ELP4: variants seen among roughly 807,000 people sequenced by gnomAD.
The protein encoded by ELP4 is elongator acetyltransferase complex subunit 4, also known as elongator complex protein 4.
In ELP4, 51 loss-of-function variants were observed where a neutral mutation model predicts 48.9. The ratio of observed to expected loss-of-function variants is 1.04; its 90% CI spans 0.83 to 1.32. The LOEUF (loss-of-function observed/expected upper bound fraction) is 1.32. Ranked by LOEUF, ELP4 falls within the 40% of genes most tolerant of loss-of-function variation. The probability of loss-of-function intolerance (pLI) is 0.00; values close to 1 mark genes in which losing one functional copy is unlikely to be tolerated. For missense variants in ELP4, 519 were observed against 514.6 expected (o/e 1.01, Z -0.08); for synonymous variants, 210 against 189.2 (o/e 1.11, Z -0.90).
rs528928775 is a variant in ELP4 at position 31,598,452 on chromosome 11, A to G, written c.513+3551A>G. Among the ~76,000 whole-genome samples the G allele has an allele frequency of 1.6e-4, 24 of 147,788 alleles. 1 individual carries two copies. In the South Asian group the frequency reaches 2.2e-3, roughly 13 times the overall value. On this transcript the variant is annotated intron_variant, in intron 4 of 9. Transcript: ENST00000640961. ...TTTGTTACCTATTAATTAAGGTTGC[A>G]TATTAACAAATAAACTTAGTACACT...
rs971894916 is a variant in ELP4, at chr11:31,788,198, A to G, written c.*4674A>G. 8.8e-6 allele frequency: 2 copies of G among 226,548 alleles called. No homozygotes were observed. Among genetic ancestry groups the G allele is most frequent in the Non-Finnish European group, 1.8e-5 (2 of 113,850 alleles). The allele number at this position is 226,548 out of a possible 1,614,324, so 14.0% of individuals were successfully genotyped here. A position where few individuals can be genotyped will look rare whatever the true frequency, so the allele number is the denominator to read the frequency against. ...GAACTGTGCTTCATTGCAAATAACA[A>G]CTGACCAACAATGGGCCCTGCTTCA... On this transcript the variant is annotated 3_prime_UTR_variant, in exon 10 of 10. Transcript: ENST00000640961.
chr11:31,549,186 A>G (rs1243744805), intron 3 of ELP4, among the ~76,000 whole-genome samples: 1 of 151,470 alleles, frequency 6.6e-6, no homozygotes, highest in Non-Finnish European at 1.5e-5. Context: ...AACTACCATC[A>G]GAGTGAACAG....
intron 3 of ELP4, among the ~76,000 whole-genome samples, chr11:31,569,021 G>A (rs1388926508): frequency 6.6e-6 from 1 of 151,674 alleles, no homozygotes; most frequent in Non-Finnish European, 1.5e-5. Flanking sequence ...GGAGGCGGAG[G>A]TTGCAGTGAG....
intron 1 of ELP4, among the ~76,000 whole-genome samples, chr11:31,515,914 T>C (rs1262571227): frequency 1.3e-5 from 2 of 152,244 alleles, no homozygotes; most frequent in Middle Eastern, 3.4e-3. Context: ...ATTGAGACCA[T>C]CCTGGCTAAC....
chr11:31,726,727 A>AT (rs1947084364), intron 9 of ELP4, among the ~76,000 whole-genome samples: 1 of 152,192 alleles, frequency 6.6e-6, no homozygotes, highest in Admixed American at 6.5e-5. Flanking sequence ...CATTTTTAAC[A>AT]ATTATTTGAT....
intron 1 of ELP4, among the ~76,000 whole-genome samples, chr11:31,514,408 G>C (rs2133869259): frequency 6.6e-6 from 1 of 152,284 alleles, no homozygotes; most frequent in South Asian, 2.1e-4. Flanking sequence ...GCAGTGAGCA[G>C]TGATCACACC....
At chr11:31,659,948 T>C (rs2134088475) in intron 9 of ELP4, among the ~76,000 whole-genome samples, 1 of 152,204 alleles carries the variant, frequency 6.6e-6, no homozygotes, top group Non-Finnish European at 1.5e-5. Context: ...GCCAAGATCA[T>C]GCCATTGCAC....
At chr11:31,615,234 T>C (rs1334033937) in intron 5 of ELP4, among the ~76,000 whole-genome samples, 1 of 152,148 alleles carries the variant, frequency 6.6e-6, no homozygotes, top group Non-Finnish European at 1.5e-5. Context: ...CATACATGCA[T>C]ATATTTCATT....
intron 7 of ELP4, among the ~76,000 whole-genome samples, chr11:31,643,141 C>G (rs552280988): frequency 6.6e-6 from 1 of 151,902 alleles, no homozygotes; most frequent in African/African-American, 2.4e-5. Context: ...AACACACAAC[C>G]ACTACATCAT....
chr11:31,769,514 A>G (rs1323696918), intron 9 of ELP4, among the ~76,000 whole-genome samples: 1 of 152,246 alleles, frequency 6.6e-6, no homozygotes, highest in African/African-American at 2.4e-5. Context: ...AAATTCTCTG[A>G]TTCCTGACTT....
chr11:31,702,217 C>T (rs1053396067), intron 9 of ELP4, among the ~76,000 whole-genome samples: 1 of 152,056 alleles, frequency 6.6e-6, no homozygotes, highest in Non-Finnish European at 1.5e-5. Context: ...GCAGGAGGAT[C>T]ACTTGAACCC....
chr11:31,729,760 T>C (rs1410868479), intron 9 of ELP4, among the ~76,000 whole-genome samples: 1 of 152,222 alleles, frequency 6.6e-6, no homozygotes, highest in Non-Finnish European at 1.5e-5. Context: ...TATGAGTGTG[T>C]GACACAGCTT....
At position 31,783,461 on chromosome 11, in the gene ELP4, C is replaced by T. The variant is rs775487845; in HGVS notation, c.1212C>T (p.Ser404=). 4 of 1,614,114 alleles carry T rather than the reference C, an allele frequency of 2.5e-6. No individual in the cohort carries two copies. Among genetic ancestry groups the T allele is most frequent in the East Asian group, 2.2e-5 (1 of 44,884 alleles). Residue 404 remains serine (S), a synonymous_variant, in exon 10 of 10, where the codon TCC becomes TCT. Coordinates refer to ENST00000640961, the MANE Select transcript of ELP4 (RefSeq NM_019040.5). The part of the protein sequence containing the change: ...SRSSKMDLAE[S]AKRLGPGCGM... ...CAAGCAAAATGGATCTGGCAGAATCCGCCAAGCGGCTGGGCCCAGGCTGTG... is the reference window on the plus strand; with the variant it reads ...CAAGCAAAATGGATCTGGCAGAATCTGCCAAGCGGCTGGGCCCAGGCTGTG...
At chr11:31,757,462 A>T (rs1316437893) in intron 9 of ELP4, among the ~76,000 whole-genome samples, 2 of 152,118 alleles carry the variant, frequency 1.3e-5, no homozygotes, top group African/African-American at 2.4e-5. Context: ...TTGGGAGCTG[A>T]CAAATAAGCA....
At chr11:31,649,101 GT>G (rs1488820353) in intron 8 of ELP4, 1 of 151,528 alleles carries the variant, frequency 6.6e-6, no homozygotes, top group Non-Finnish European at 1.5e-5. Flanking sequence ...AAATTTTCAG[GT>G]ATTTTAGTTA....
intron 9 of ELP4, among the ~76,000 whole-genome samples, chr11:31,700,425 G>GT (rs1946496162): frequency 6.6e-6 from 1 of 151,990 alleles, no homozygotes; most frequent in African/African-American, 2.4e-5. Flanking sequence ...AATATGAGTA[G>GT]TCACAGTAAG....
At chr11:31,669,260 T>C (rs1199252739) in intron 9 of ELP4, among the ~76,000 whole-genome samples, 1 of 151,998 alleles carries the variant, frequency 6.6e-6, no homozygotes, top group Non-Finnish European at 1.5e-5. Flanking sequence ...TAATTTTTTG[T>C]ATTTTTAGTA....
chr11:31,522,559 T>C (rs1956232270), intron 2 of ELP4, among the ~76,000 whole-genome samples: 1 of 152,246 alleles, frequency 6.6e-6, no homozygotes, highest in Non-Finnish European at 1.5e-5. Flanking sequence ...CTGAAAAATT[T>C]AAATTAATTC....
chr11:31,748,445 A>G (rs1947646906), intron 9 of ELP4, among the ~76,000 whole-genome samples: 1 of 151,886 alleles, frequency 6.6e-6, no homozygotes, highest in African/African-American at 2.4e-5. Context: ...GGGTTTCACC[A>G]TGTTGACCAG....
Sources: allele counts gnomAD v4.1 joint callset (sites outside exome capture counted in the v4.1 genomes callset), GRCh38; gene constraint gnomAD v4.1.1; transcripts MANE v1.5; gene names NCBI Gene and HGNC (gene_info 2026-07-23, HGNC 2026-07-21).